Variants in DAB1 observed in about 807,000 individuals in gnomAD.
DAB1 encodes DAB adaptor protein 1, also known as disabled homolog 1.
Under a neutral mutation model 64.6 loss-of-function variants are expected in DAB1, and 15 were observed. That is an observed-to-expected ratio of 0.23 (90% CI 0.16 to 0.36). DAB1 has a LOEUF of 0.36. DAB1 is among the 10% of genes least tolerant of loss of function. The pLI is 1.00. For synonymous variants in DAB1, 235 were observed against 251.9 expected (o/e 0.93, Z 0.64); for missense variants, 596 against 706.7 (o/e 0.84, Z 1.78).
At position 58,278,276 on chromosome 1, in the gene DAB1, T is replaced by A. The variant is rs1345885218; in HGVS notation, n.309+65076A>T. On this transcript the variant is annotated intron_variant and non_coding_transcript_variant, in intron 4 of 20. Coordinates refer to the DAB1 transcript ENST00000485760. The stretch of plus-strand genomic sequence containing the variant: ...CTCTCGCCTGCTGCCATGTAAGATG[T>A]GCCTGCTTCACCTTCTGCCATGATT... 8.4e-5 allele frequency among the ~76,000 whole-genome samples: 2 copies of A among 23,694 alleles called. 1 individual carries two copies. Among genetic ancestry groups the A allele is most frequent in the African/African-American group, 2.5e-4 (2 of 8,072 alleles). The allele number at this position is 23,694 out of a possible 152,430, so 15.5% of individuals were successfully genotyped here.
At position 57,509,180 on chromosome 1, in the gene DAB1, G is replaced by A. The variant is rs147321400; in HGVS notation, n.625+140412C>T. Among the ~76,000 whole-genome samples, 95 of 152,018 alleles carry A rather than the reference G, an allele frequency of 6.2e-4. 2 individuals are homozygous for A. The East Asian group carries it at 0.017, about 27-fold the overall frequency. On this transcript the variant is annotated intron_variant and non_coding_transcript_variant, in intron 7 of 20. Coordinates refer to the DAB1 transcript ENST00000485760. ...TTTTCTGATCCTCAGCTTTCTCATC[G>A]CTAAAACCTCCTCAAAAGATATTGT...
At chr1:57,561,638 C>A (rs542499728) in intron 7 of DAB1, among the ~76,000 whole-genome samples, 1 of 152,304 alleles carries the variant, frequency 6.6e-6, no homozygotes, top group African/African-American at 2.4e-5. Flanking sequence ...TCTGTGGACA[C>A]CACTCAGCCT....
intron 7 of DAB1, among the ~76,000 whole-genome samples, chr1:57,502,641 T>C (rs1644303710): frequency 6.6e-6 from 1 of 152,242 alleles, no homozygotes; most frequent in South Asian, 2.1e-4. Flanking sequence ...AATAAATATT[T>C]GTTAAATGAA....
intron 2 of DAB1, among the ~76,000 whole-genome samples, chr1:57,161,197 A>T (rs1167019074): frequency 6.6e-6 from 1 of 152,180 alleles, no homozygotes; most frequent in Non-Finnish European, 1.5e-5. Flanking sequence ...GAGACAAGCC[A>T]GAAAGTTCGT....
intron 1 of DAB1, among the ~76,000 whole-genome samples, chr1:57,379,979 GA>G (rs1415591205): frequency 6.6e-6 from 1 of 152,216 alleles, no homozygotes; most frequent in African/African-American, 2.4e-5. Context: ...GAAGCTCTTA[GA>G]AAAGTGTGTG....
chr1:57,584,395 T>C (rs1357041322), intron 7 of DAB1, among the ~76,000 whole-genome samples: 1 of 152,232 alleles, frequency 6.6e-6, no homozygotes, highest in African/African-American at 2.4e-5. Flanking sequence ...ACAGGGCTGG[T>C]TGAGGCCTTA....
chr1:57,929,037 A>C (rs1420165382), intron 5 of DAB1, among the ~76,000 whole-genome samples: 2 of 152,224 alleles, frequency 1.3e-5, no homozygotes, highest in African/African-American at 4.8e-5. Flanking sequence ...AAGTGGCTAT[A>C]CCATGTTGCA....
intron 6 of DAB1, among the ~76,000 whole-genome samples, chr1:57,742,633 C>A (rs1036004833): frequency 6.6e-6 from 1 of 152,142 alleles, no homozygotes; most frequent in Admixed American, 6.5e-5. Context: ...TGTTGCTCCT[C>A]CCCTAGCACA....
At chr1:57,041,166 GT>G (rs999027471) in intron 9 of DAB1, among the ~76,000 whole-genome samples, 3 of 152,174 alleles carry the variant, frequency 2.0e-5, no homozygotes, top group Admixed American at 6.5e-5. Flanking sequence ...CATGCAAAAT[GT>G]TTTTGCTTTT....
intron 1 of DAB1, among the ~76,000 whole-genome samples, chr1:58,543,456 T>C (rs1369975796): frequency 1.3e-5 from 2 of 152,136 alleles, no homozygotes; most frequent in Non-Finnish European, 2.9e-5. Context: ...TCTACCTCCT[T>C]CTTATCTCAT....
intron 6 of DAB1, among the ~76,000 whole-genome samples, chr1:57,727,853 C>A (rs929359350): frequency 9.2e-5 from 14 of 151,984 alleles, no homozygotes; most frequent in Non-Finnish European, 1.8e-4. Context: ...TAAGTGCCAC[C>A]TTTTCACAAT....
At chr1:57,830,699 T>C (rs1652546521) in intron 1 of DAB1, among the ~76,000 whole-genome samples, 1 of 152,152 alleles carries the variant, frequency 6.6e-6, no homozygotes, top group African/African-American at 2.4e-5. Context: ...TCTGGGAACT[T>C]GGCTCTTTAA....
chr1:58,214,482 A>G (rs1658735869), intron 4 of DAB1, among the ~76,000 whole-genome samples: 1 of 152,184 alleles, frequency 6.6e-6, no homozygotes, highest in African/African-American at 2.4e-5. Context: ...TGTGGCAGAG[A>G]AAAGCCAAAA....
intron 2 of DAB1, among the ~76,000 whole-genome samples, chr1:57,147,181 C>T (rs1199987761): frequency 3.9e-5 from 6 of 152,086 alleles, no homozygotes; most frequent in South Asian, 2.1e-4. Flanking sequence ...CAGGCACACA[C>T]GGTCATACTT....
In DAB1 at chr1:58,106,664, T is replaced by TA. The variant is rs1168976527; in HGVS notation, n.387+43846dup. Among the ~76,000 whole-genome samples, 4 of 152,174 alleles carry TA rather than the reference T, an allele frequency of 2.6e-5. No homozygotes were observed. In the East Asian group the frequency reaches 7.7e-4, roughly 29 times the overall value. On this transcript the variant is annotated intron_variant and non_coding_transcript_variant, in intron 5 of 20. Transcript: ENST00000485760. ...GACTTGGATCCCGTGCTCCTTCTCA[T>TA]ACGTTGTAGATGTCTTCCAGGAGAG...
chr1:58,117,583 C>T (rs1243335562), intron 5 of DAB1, among the ~76,000 whole-genome samples: 1 of 152,186 alleles, frequency 6.6e-6, no homozygotes, highest in Non-Finnish European at 1.5e-5. Context: ...AAACCAGCAG[C>T]TTTGATTCCA....
rs537020828 is a variant in DAB1 at position 58,127,635 on chromosome 1, T to C, written n.387+22876A>G. ...TTCATCCATCTTGAACTGATTTTTG[T>C]ATAAGGTGTAAGGAACGGATCCAGT... On this transcript the variant is annotated intron_variant and non_coding_transcript_variant, in intron 5 of 20. Coordinates refer to the DAB1 transcript ENST00000485760. Among the ~76,000 whole-genome samples, 16 of 152,340 alleles carry C rather than the reference T, an allele frequency of 1.1e-4. No homozygotes were observed. In the South Asian group the frequency reaches 3.3e-3, roughly 32 times the overall value.
At chr1:57,691,725 T>C (rs973693220) in intron 6 of DAB1, among the ~76,000 whole-genome samples, 1 of 152,122 alleles carries the variant, frequency 6.6e-6, no homozygotes, top group Non-Finnish European at 1.5e-5. Context: ...AGCTTCATTC[T>C]TGAAGTCAGC....
At chr1:57,376,339 T>C (rs1056121781) in intron 1 of DAB1, among the ~76,000 whole-genome samples, 2 of 152,242 alleles carry the variant, frequency 1.3e-5, no homozygotes, top group Non-Finnish European at 2.9e-5. Context: ...CCTTGCACAC[T>C]GCTGGGAACT....
Sources: gnomAD v4.1 joint callset for allele counts (sites outside exome capture counted in the v4.1 genomes callset) on GRCh38, gnomAD v4.1.1 for gene constraint, MANE v1.5 for transcripts, NCBI Gene and HGNC (gene_info 2026-07-23, HGNC 2026-07-21) for gene names.